The following CATSPERG variants were observed in gnomAD, a reference collection of about 807,000 sequenced individuals.
The protein encoded by CATSPERG is cation channel sperm-associated auxiliary subunit gamma.
Under a neutral mutation model 145.0 loss-of-function variants are expected in CATSPERG, and 115 were observed. That is an observed-to-expected ratio of 0.79 (90% CI 0.68 to 0.93). CATSPERG has a LOEUF of 0.93. CATSPERG is among the 40% of genes least tolerant of loss of function. The pLI is 0.00. For missense variants in CATSPERG, 1,296 were observed against 1,490.1 expected, an observed-to-expected ratio of 0.87 and a Z score of 2.14; for synonymous variants, 588 against 589.0, an observed-to-expected ratio of 1.00 and a Z score of 0.02.
At chr19:38,352,594 C>CT (rs1970162397) in intron 8 of CATSPERG, 162 bp downstream of exon 8, 3 of 525,608 alleles carry the variant, frequency 5.7e-6, no homozygotes, top group Admixed American at 3.4e-5. Context: ...CTTGCCTTGC[C>CT]CTTTTTTTTT....
chr19:38,358,422 C>A lies in CATSPERG; in HGVS notation c.1367-10C>A. The A allele has an allele frequency of 6.2e-7, 1 of 1,614,208 alleles. No homozygotes were observed. The highest frequency in any genetic ancestry group is 8.5e-7 in the Non-Finnish European group (1 of 1,180,020). ...CACTGCTGTGTCCTCTCTTCCTCTG[C>A]TCCGGTCAGCTCGAGGATTGGAGTT... On this transcript the variant is annotated splice_polypyrimidine_tract_variant and intron_variant, in intron 12 of 28. Coordinates refer to ENST00000409235, the MANE Select transcript of CATSPERG (RefSeq NM_021185.5).
rs1158349899 is a variant in CATSPERG, at chr19:38,360,763, G to A, written c.1800G>A (p.Gln600=). 8.1e-6 allele frequency: 13 copies of A among 1,613,966 alleles called. No individual in the cohort carries two copies. Among genetic ancestry groups the A allele is most frequent in the Middle Eastern group, 3.3e-4 (2 of 6,084 alleles). ...LVYLMNNQKG[Q]LVKRLVPVEQ... is the part of the protein sequence containing the mutation. ...ACCTTATGAACAACCAGAAGGGCCAGCTGGTCAAGAGGCTCGTGCCCGTGG... is the reference window on the plus strand; with the variant it reads ...ACCTTATGAACAACCAGAAGGGCCAACTGGTCAAGAGGCTCGTGCCCGTGG... Residue 600 remains glutamine (Q), a synonymous_variant, in exon 16 of 29, where the codon CAG becomes CAA. Coordinates refer to ENST00000409235, the MANE Select transcript of CATSPERG (RefSeq NM_021185.5).
At position 38,346,470 on chromosome 19, in the gene CATSPERG, G is replaced by C; in HGVS notation, c.690G>C (p.Gln230His). Residue 230 changes from glutamine to histidine, a missense_variant, in exon 7 of 29, where the codon CAG becomes CAC. Transcript: ENST00000409235. The part of the protein sequence containing the change: ...VGEELFNLMP[Q>H]YFVGVSSRPL... The stretch of plus-strand genomic sequence containing the variant: ...GGCAGCTCTTCAACCTGATGCCCCA[G>C]TACTTTGTGGGTGTCTCATCGAGGC... The C allele has an allele frequency of 1.3e-6, 2 of 1,549,160 alleles. No homozygotes were observed. The highest frequency in any genetic ancestry group is 1.7e-6 in the Non-Finnish European group (2 of 1,144,928).
rs1970325097 is a variant in CATSPERG, at chr19:38,360,491, C to T, written c.1611C>T (p.Ile537=). 6.2e-7 allele frequency: 1 copy of T among 1,613,998 alleles called. No homozygotes were observed. Among genetic ancestry groups the T allele is most frequent in the African/African-American group, 1.3e-5 (1 of 75,050 alleles). Residue 537 remains isoleucine, a splice_region_variant and synonymous_variant, in exon 15 of 29, where the codon ATC becomes ATT. Transcript: ENST00000409235. ...AVAIVTETEE[I]WYLLEGSYRV... is the part of the protein sequence containing the mutation. ...ACATCCGGCTGTCATACCCGCAGAT[C>T]TGGTACCTCCTGGAGGGCAGCTACC...
At chr19:38,351,926 G>T (rs1453265240) in intron 7 of CATSPERG, among the ~76,000 whole-genome samples, 1 of 152,100 alleles carries the variant, frequency 6.6e-6, no homozygotes, top group Non-Finnish European at 1.5e-5. Flanking sequence ...TGTCCCTTGG[G>T]GCGAGCATGG....
At chr19:38,344,689 T>C (rs967583294) in intron 6 of CATSPERG, among the ~76,000 whole-genome samples, 1 of 149,476 alleles carries the variant, frequency 6.7e-6, no homozygotes, top group African/African-American at 2.5e-5. Context: ...ATATAGTACA[T>C]ACCTGTACAT....
chr19:38,366,487 C>G (rs1176352383), intron 22 of CATSPERG: 1 of 152,372 alleles, frequency 6.6e-6, no homozygotes, highest in Non-Finnish European at 1.5e-5. Flanking sequence ...TAAGCGGAGC[C>G]CTTATGGGCC....
intron 7 of CATSPERG, among the ~76,000 whole-genome samples, chr19:38,347,335 G>C (rs1281290983): frequency 6.6e-6 from 1 of 151,800 alleles, no homozygotes; most frequent in Non-Finnish European, 1.5e-5. Context: ...CCAAGATTGT[G>C]CCACTGCACT....
chr19:38,335,883 G>A lies in CATSPERG; in HGVS notation c.-15+8G>A. On this transcript the variant is annotated splice_region_variant and intron_variant, in intron 1 of 28. Coordinates refer to ENST00000409235, the MANE Select transcript of CATSPERG (RefSeq NM_021185.5). ...GTTTTAACCAAGTGACTGGTACCACGGGGCCGGGGAAAAAGCTGTGCCATC... is the reference window on the plus strand; with the variant it reads ...GTTTTAACCAAGTGACTGGTACCACAGGGCCGGGGAAAAAGCTGTGCCATC... 4.0e-6 allele frequency: 1 copy of A among 253,116 alleles called. No homozygotes were observed. The highest frequency in any genetic ancestry group is 8.1e-6 in the Non-Finnish European group (1 of 123,850). The allele number at this position is 253,116 out of a possible 1,614,324, so 15.7% of individuals were successfully genotyped here.
intron 20 of CATSPERG, 131 bp downstream of exon 20, chr19:38,362,963 C>T: frequency 1.5e-6 from 1 of 666,162 alleles, no homozygotes; most frequent in Non-Finnish European, 2.6e-6. Context: ...TTCTTGGCCT[C>T]CTGGGCTCAA....
chr19:38,336,541 G>T lies in CATSPERG; in HGVS notation c.-15+666G>T, dbSNP rs577545542. On this transcript the variant is annotated intron_variant, in intron 1 of 28. Coordinates refer to ENST00000409235, the MANE Select transcript of CATSPERG (RefSeq NM_021185.5). ...AGCAGGGGCGGGGCCGGGAGCAAGA[G>T]CAGGGGCGGGGCCCGGAGACGGGCG... 143 of 295,662 alleles carry T rather than the reference G, an allele frequency of 4.8e-4. 1 individual carries two copies. Among genetic ancestry groups the T allele is most frequent in the African/African-American group, 3.1e-3 (136 of 44,292 alleles). The allele number at this position is 295,662 out of a possible 1,614,324, so 18.3% of individuals were successfully genotyped here.
At chr19:38,350,234 G>A (rs1970115890) in intron 7 of CATSPERG, among the ~76,000 whole-genome samples, 1 of 152,272 alleles carries the variant, frequency 6.6e-6, no homozygotes, top group South Asian at 2.1e-4. Flanking sequence ...CAAAAAATAT[G>A]GGGAAATGGA....
rs1176058522 is a variant in CATSPERG, at chr19:38,370,822, T to C, written c.*30T>C. 9 of 1,606,192 alleles carry C rather than the reference T, an allele frequency of 5.6e-6. No homozygotes were observed. In the African/African-American group the frequency reaches 8.0e-5, roughly 14 times the overall value. ...CCCACCTGCCCCAGCCCCCAGTTACTGTCACGCCTCTCTTATGAGGCCCAT... is the reference window on the plus strand; with the variant it reads ...CCCACCTGCCCCAGCCCCCAGTTACCGTCACGCCTCTCTTATGAGGCCCAT... On this transcript the variant is annotated 3_prime_UTR_variant, in exon 29 of 29. Coordinates refer to ENST00000409235, the MANE Select transcript of CATSPERG (RefSeq NM_021185.5).
intron 1 of CATSPERG, chr19:38,336,081 GA>G: frequency 2.4e-6 from 1 of 411,176 alleles, no homozygotes; most frequent in African/African-American, 2.1e-5. Flanking sequence ...AGCCGAACGT[GA>G]AGGGCGAAGG....
chr19:38,354,903 C>G, intron 9 of CATSPERG, 56 bp downstream of exon 9: 1 of 1,572,354 alleles, frequency 6.4e-7, no homozygotes, highest in African/African-American at 1.4e-5. Context: ...TCTCTCACCT[C>G]CGAGAATTCT....
chr19:38,367,044 G>A (rs1321538389), intron 22 of CATSPERG, 112 bp from the exon 23 acceptor site: 2 of 985,010 alleles, frequency 2.0e-6, no homozygotes, highest in African/African-American at 3.3e-5. Context: ...GGGAGAGCCA[G>A]GCAGCTGGTG....
intron 26 of CATSPERG, among the ~76,000 whole-genome samples, chr19:38,368,492 C>A (rs959148798): frequency 6.6e-6 from 1 of 152,208 alleles, no homozygotes; most frequent in Non-Finnish European, 1.5e-5. Context: ...CAGTCACTGT[C>A]TGGTGTGGGG....
At chr19:38,353,231 G>A (rs1334492630) in intron 8 of CATSPERG, among the ~76,000 whole-genome samples, 1 of 151,488 alleles carries the variant, frequency 6.6e-6, no homozygotes, top group Non-Finnish European at 1.5e-5. Context: ...CTACTCAGGA[G>A]GCTGAGAAAG....
At position 38,358,520 on chromosome 19, in the gene CATSPERG, C is replaced by T. The variant is rs1336844064; in HGVS notation, c.1455C>T (p.Tyr485=). Residue 485 remains tyrosine, a synonymous_variant, in exon 13 of 29, where the codon TAC becomes TAT. Transcript: ENST00000409235. Reference sequence around the variant, plus strand: ...CCAAGGGCATCTTCTGTAACCCGTACAACAATCTGATCTTCATCTGGGGCA... The same window carrying T: ...CCAAGGGCATCTTCTGTAACCCGTATAACAATCTGATCTTCATCTGGGGCA... ...MAPKGIFCNP[Y]NNLIFIWGNF... is the part of the protein sequence containing the mutation. 6 of 1,614,196 alleles carry T rather than the reference C, an allele frequency of 3.7e-6. No homozygotes were observed. The highest frequency in any genetic ancestry group is 5.1e-6 in the Non-Finnish European group (6 of 1,180,042).
Sources: gnomAD v4.1 joint callset for allele counts (sites outside exome capture counted in the v4.1 genomes callset) on GRCh38, gnomAD v4.1.1 for gene constraint, MANE v1.5 for transcripts, NCBI Gene and HGNC (gene_info 2026-07-23, HGNC 2026-07-21) for gene names.